The following GNA13 variants were observed in gnomAD, a reference collection of about 807,000 sequenced individuals.
The protein encoded by GNA13 is guanine nucleotide-binding protein subunit alpha-13.
GNA13 carries 4 observed loss-of-function variants against 33.5 expected under a neutral mutation model. That is an observed-to-expected ratio of 0.12 (90% CI 0.06 to 0.27). GNA13 has a LOEUF of 0.27. Among genes scored for constraint, GNA13 ranks in the 10% least tolerant of loss-of-function variants. The pLI, the probability that GNA13 is intolerant of heterozygous loss-of-function variation, is 1.00. For synonymous variants in GNA13, 176 were observed against 183.8 expected, an observed-to-expected ratio of 0.96 and a Z score of 0.34; for missense variants, 319 against 487.2, an observed-to-expected ratio of 0.65 and a Z score of 3.25.
chr17:65,037,798 A>AAAAAAAAAAC, intron 2 of GNA13, among the ~76,000 whole-genome samples: 3 of 150,388 alleles, frequency 2.0e-5, no homozygotes, highest in South Asian at 4.2e-4. Flanking sequence ...AAAAAAAAAA[A>AAAAAAAAAAC]AAGACAAAAA....
intron 2 of GNA13, among the ~76,000 whole-genome samples, chr17:65,021,415 G>C (rs1345913030): frequency 1.3e-5 from 2 of 152,200 alleles, no homozygotes; most frequent in Non-Finnish European, 2.9e-5. Flanking sequence ...AAGACAAAAT[G>C]GGTCTGGAGT....
intron 2 of GNA13, among the ~76,000 whole-genome samples, chr17:65,050,579 T>A (rs1037788005): frequency 2.0e-5 from 3 of 152,016 alleles, no homozygotes; most frequent in African/African-American, 4.8e-5. Flanking sequence ...AATTTTTTTT[T>A]AAATTAGCTG....
rs1906171121 is a variant in GNA13 at position 65,011,087 on chromosome 17, G to T, written c.*3170C>A. ...AAATACAAGTATTTGGGTACACATT[G>T]AAAGTTAGGACTTAACCAATTTCTT... is the stretch of plus-strand genomic sequence containing the variant. On this transcript the variant is annotated 3_prime_UTR_variant, in exon 4 of 4. Transcript: ENST00000439174. 1 of 206,242 alleles carries T rather than the reference G, an allele frequency of 4.8e-6. No individual in the cohort carries two copies. Among genetic ancestry groups the T allele is most frequent in the East Asian group, 7.4e-5 (1 of 13,486 alleles). 12.8% of individuals were successfully genotyped at this position (206,242 alleles called of 1,614,324 possible). A position where few individuals can be genotyped will look rare whatever the true frequency, so the allele number is the denominator to read the frequency against.
chr17:65,024,541 C>T (rs1276556302), intron 2 of GNA13, among the ~76,000 whole-genome samples: 1 of 152,236 alleles, frequency 6.6e-6, no homozygotes, highest in Non-Finnish European at 1.5e-5. Flanking sequence ...CTTCCCTTGG[C>T]ACGCAGTGCC....
intron 1 of GNA13, among the ~76,000 whole-genome samples, chr17:65,055,246 C>T (rs534263015): frequency 7.7e-4 from 117 of 152,290 alleles, no homozygotes; most frequent in Non-Finnish European, 1.2e-3. Flanking sequence ...TTCTATAGAA[C>T]ATACTTGACA....
intron 2 of GNA13, among the ~76,000 whole-genome samples, chr17:65,030,889 T>G (rs1297136692): frequency 6.6e-6 from 1 of 152,192 alleles, no homozygotes; most frequent in Non-Finnish European, 1.5e-5. Flanking sequence ...TTGAGATCTC[T>G]TTAGTTATGA....
intron 2 of GNA13, among the ~76,000 whole-genome samples, chr17:65,029,103 A>G (rs1445462768): frequency 6.6e-6 from 1 of 152,230 alleles, no homozygotes; most frequent in Non-Finnish European, 1.5e-5. Flanking sequence ...TGCTGAGTCA[A>G]AAAGTATTTA....
chr17:65,053,435 T>C (rs916364074), intron 2 of GNA13, 67 bp downstream of exon 2: 4 of 966,756 alleles, frequency 4.1e-6, no homozygotes, highest in African/African-American at 3.2e-5. Flanking sequence ...GCATTAGGGA[T>C]GTGCAACCTG....
chr17:65,030,309 G>T (rs972363488), intron 2 of GNA13, among the ~76,000 whole-genome samples: 6 of 152,170 alleles, frequency 3.9e-5, no homozygotes, highest in Non-Finnish European at 5.9e-5. Context: ...ACCAAGCAGG[G>T]CTATTAACTA....
chr17:65,014,205 CAG>C lies in GNA13; in HGVS notation c.*50_*51del. ...CTGCTATTTTAAAAAACAAAACAAA[CAG>C]AAAACATCAAAAACACAAAAAGATA... On this transcript the variant is annotated 3_prime_UTR_variant, in exon 4 of 4. Transcript: ENST00000439174. This position sits in a 1 kb window ranked among gnomAD's most constrained non-coding sequence, Gnocchi z 5.3. 1 of 1,081,330 alleles carries C rather than the reference CAG, an allele frequency of 9.2e-7. No individual in the cohort carries two copies. The highest frequency in any genetic ancestry group is 1.4e-6 in the Non-Finnish European group (1 of 728,688). 67.0% of individuals were successfully genotyped at this position (1,081,330 alleles called of 1,614,324 possible). A position where few individuals can be genotyped will look rare whatever the true frequency, so the allele number is the denominator to read the frequency against.
At position 65,011,771 on chromosome 17, in the gene GNA13, T is replaced by C. The variant is rs904043397; in HGVS notation, c.*2486A>G. On this transcript the variant is annotated 3_prime_UTR_variant, in exon 4 of 4. Transcript: ENST00000439174. ...AAATCTAAATTACTTTTTTAGAGACTGGGGTAAGTTTGCATAGTGAAATTA... is the reference window on the plus strand; with the variant it reads ...AAATCTAAATTACTTTTTTAGAGACCGGGGTAAGTTTGCATAGTGAAATTA... 4.4e-6 allele frequency: 1 copy of C among 228,688 alleles called. No homozygotes were observed. The highest frequency in any genetic ancestry group is 8.7e-6 in the Non-Finnish European group (1 of 115,336). 14.2% of individuals were successfully genotyped at this position (228,688 alleles called of 1,614,324 possible).
At chr17:65,053,874 G>T (rs912852282) in intron 1 of GNA13, 146 bp from the exon 2 acceptor site, 5 of 601,318 alleles carry the variant, frequency 8.3e-6, no homozygotes, top group Non-Finnish European at 1.5e-5. Flanking sequence ...GAAAACAAAT[G>T]TAACTTCTCA....
At chr17:65,052,354 G>A (rs774151634) in intron 2 of GNA13, among the ~76,000 whole-genome samples, 1 of 152,162 alleles carries the variant, frequency 6.6e-6, no homozygotes, top group Admixed American at 6.5e-5. Context: ...GTGTTTCACC[G>A]TGTTGGCCAG....
intron 3 of GNA13, among the ~76,000 whole-genome samples, chr17:65,016,294 A>G (rs1906365360): frequency 6.6e-6 from 1 of 152,254 alleles, no homozygotes; most frequent in South Asian, 2.1e-4. Context: ...ATAGTGTCAT[A>G]TGATTTTGAA....
chr17:65,014,387 C>T lies in GNA13; in HGVS notation c.1004G>A (p.Arg335Gln), dbSNP rs750066119. 8 of 1,613,860 alleles carry T rather than the reference C, an allele frequency of 5.0e-6. No individual in the cohort carries two copies. Among genetic ancestry groups the T allele is most frequent in the Admixed American group, 3.3e-5 (2 of 59,988 alleles). Residue 335 changes from arginine (R) to glutamine (Q), a missense_variant, in exon 4 of 4, where the codon CGG becomes CAG. This residue lies in a region of GNA13 where 134 missense variants were observed against 241.3 expected (regional missense o/e 0.56). Transcript: ENST00000439174. The surrounding 1 kb of genome is among the most constrained non-coding windows in gnomAD (Gnocchi z 5.3). ...GTATAAGGGCTTCTGTTGCTGGTCC[C>T]GGCGTTTGTTCCGGAAACATTCCAC... ...FLVECFRNKR[R>Q]DQQQKPLYHH...
intron 2 of GNA13, among the ~76,000 whole-genome samples, chr17:65,037,751 G>C (rs1014719167): frequency 3.1e-4 from 33 of 104,932 alleles, no homozygotes; most frequent in African/African-American, 1.2e-3. Flanking sequence ...AGGCAACATG[G>C]AGAGAGACCC....
chr17:65,022,232 C>T (rs903387010), intron 2 of GNA13, among the ~76,000 whole-genome samples: 30 of 152,218 alleles, frequency 2.0e-4, no homozygotes, highest in African/African-American at 5.3e-4. Flanking sequence ...GTTGGTGTAT[C>T]GTCTATGGGA....
intron 2 of GNA13, among the ~76,000 whole-genome samples, chr17:65,021,205 C>T (rs1906570360): frequency 6.6e-6 from 1 of 152,124 alleles, no homozygotes; most frequent in African/African-American, 2.4e-5. Flanking sequence ...TGGGTTCCAG[C>T]CCCAAGATAG....
At position 65,014,490 on chromosome 17, in the gene GNA13, G is replaced by T; in HGVS notation, c.901C>A (p.Gln301Lys). The T allele has an allele frequency of 6.2e-7, 1 of 1,613,490 alleles. No homozygotes were observed. The highest frequency in any genetic ancestry group is 8.5e-7 in the Non-Finnish European group (1 of 1,179,416). The change falls in exon 4 of 4, where the codon CAA (glutamine) becomes AAA (lysine). Residue 301 changes from glutamine (Q) to lysine (K), a missense_variant. This residue lies in a region of GNA13 where 134 missense variants were observed against 241.3 expected (regional missense o/e 0.56). Transcript: ENST00000439174. This position sits in a 1 kb window ranked among gnomAD's most constrained non-coding sequence, Gnocchi z 5.3. ...NKTDLLEEKV[Q>K]IVSIKDYFLE... The stretch of plus-strand genomic sequence containing the variant: ...AAATAGTCTTTGATGCTCACAATTT[G>T]CACCTTCTCCTCAAGCAAGTCTGTC...
Sources: allele counts gnomAD v4.1 joint callset (sites outside exome capture counted in the v4.1 genomes callset), GRCh38; gene constraint gnomAD v4.1.1; regional missense constraint gnomAD v4.1.1; non-coding constraint Gnocchi (gnomAD v3.1); transcripts MANE v1.5; gene names NCBI Gene and HGNC (gene_info 2026-07-23, HGNC 2026-07-21).